CDC42BPA: variants seen among roughly 807,000 people sequenced by gnomAD.
CDC42BPA encodes the protein CDC42 binding protein kinase alpha, also known as serine/threonine-protein kinase MRCK alpha.
In CDC42BPA, 80 loss-of-function variants were observed where a neutral mutation model predicts 223.5. The ratio of observed to expected loss-of-function variants is 0.36; its 90% confidence interval spans 0.30 to 0.43. CDC42BPA has a LOEUF of 0.43. Ranked by LOEUF, CDC42BPA falls within the 20% of genes least tolerant of loss-of-function variation. The pLI, the probability that CDC42BPA is intolerant of heterozygous loss-of-function variation, is 1.00. For synonymous variants in CDC42BPA, 694 were observed against 718.6 expected (o/e 0.97, Z 0.55); for missense variants, 1,743 against 2,099.9 (o/e 0.83, Z 3.32).
chr1:227,017,148 A>T, intron 32 of CDC42BPA, 98 bp from the exon 33 acceptor site: 1 of 1,051,034 alleles, frequency 9.5e-7, no homozygotes, highest in Non-Finnish European at 1.3e-6. Flanking sequence ...TTGATAGTAC[A>T]AGTACATGCA....
At chr1:227,316,936 C>T in intron 1 of CDC42BPA, 69 bp downstream of exon 1, 2 of 1,166,448 alleles carry the variant, frequency 1.7e-6, no homozygotes, top group East Asian at 2.4e-5. Flanking sequence ...TTACTCATAA[C>T]TCTCTATACC....
chr1:227,033,115 A>G (rs1357494825), intron 27 of CDC42BPA, among the ~76,000 whole-genome samples: 1 of 152,248 alleles, frequency 6.6e-6, no homozygotes, highest in Non-Finnish European at 1.5e-5. Context: ...ACCAGGAAGC[A>G]TATTTTATAA....
In CDC42BPA at chr1:227,028,638, G is replaced by A. The variant is rs376466162; in HGVS notation, c.4432+19C>T. 8.6e-5 allele frequency: 126 copies of A among 1,468,834 alleles called. No individual in the cohort carries two copies. The highest frequency in any genetic ancestry group is 3.1e-4 in the South Asian group (23 of 75,172). 91.0% of individuals were successfully genotyped at this position (1,468,834 alleles called of 1,614,324 possible). A position where few individuals can be genotyped will look rare whatever the true frequency, so the allele number is the denominator to read the frequency against. On this transcript the variant is annotated intron_variant, in intron 30 of 36. Transcript: ENST00000366766. Reference sequence around the variant, plus strand: ...GAAGAGATATAAAGATAAGACAGCCGTAAGAAAGAGAATCTTACAACAAGA... The same window carrying A: ...GAAGAGATATAAAGATAAGACAGCCATAAGAAAGAGAATCTTACAACAAGA...
intron 11 of CDC42BPA, among the ~76,000 whole-genome samples, chr1:227,127,251 C>T (rs1656013748): frequency 6.6e-6 from 1 of 151,990 alleles, no homozygotes; most frequent in Admixed American, 6.6e-5. Flanking sequence ...TGGATAGTGC[C>T]AGAACATTAT....
intron 35 of CDC42BPA, among the ~76,000 whole-genome samples, chr1:226,997,257 G>A (rs928184057): frequency 1.3e-5 from 2 of 152,188 alleles, no homozygotes; most frequent in Non-Finnish European, 2.9e-5. Context: ...GGTGTTTATA[G>A]TATTCTTTGA....
intron 16 of CDC42BPA, among the ~76,000 whole-genome samples, chr1:227,086,621 T>C (rs751535452): frequency 6.6e-6 from 1 of 151,970 alleles, no homozygotes; most frequent in Admixed American, 6.6e-5. Context: ...TTTCATGAAA[T>C]GTCTATTCGG....
Position 227,285,431 on chromosome 1 carries a change from T to A in CDC42BPA, c.179-31276A>T, listed in dbSNP as rs186771951. ...TTATTTAATAACCACAAATTGCCTA[T>A]GAAAAGCAAACAAAAATTTACATTA... On this transcript the variant is annotated intron_variant, in intron 1 of 36. Coordinates refer to ENST00000366766, the MANE Select transcript of CDC42BPA (RefSeq NM_001394014.1). Among the ~76,000 whole-genome samples the A allele has an allele frequency of 1.1e-4, 17 of 152,340 alleles. No homozygotes were observed. The East Asian group carries it at 2.7e-3, about 24-fold the overall frequency.
At chr1:227,151,900 A>T (rs1661835813) in intron 6 of CDC42BPA, among the ~76,000 whole-genome samples, 1 of 151,148 alleles carries the variant, frequency 6.6e-6, no homozygotes, top group Non-Finnish European at 1.5e-5. Flanking sequence ...AAAAAAAAAA[A>T]AAATTAGCTG....
At chr1:227,065,126 T>TAAATAAATAAATAAATAAATA (rs1558414073) in intron 21 of CDC42BPA, among the ~76,000 whole-genome samples, 1 of 117,246 alleles carries the variant, frequency 8.5e-6, no homozygotes, top group African/African-American at 3.6e-5. Context: ...ATAAATAAAT[T>TAAATAAATAAATAAATAAATA]AACTCAAACC....
intron 6 of CDC42BPA, among the ~76,000 whole-genome samples, chr1:227,159,321 T>C (rs1224518480): frequency 1.3e-5 from 2 of 152,026 alleles, no homozygotes. Context: ...ACCCCATCTC[T>C]ACAAAAAATA....
intron 5 of CDC42BPA, among the ~76,000 whole-genome samples, chr1:227,167,537 C>G (rs1441847096): frequency 6.6e-6 from 1 of 152,152 alleles, no homozygotes; most frequent in Non-Finnish European, 1.5e-5. Flanking sequence ...TTTCCTGGTT[C>G]CTCTTTTCCC....
intron 21 of CDC42BPA, 135 bp from the exon 22 acceptor site, chr1:227,052,120 A>G: frequency 2.3e-6 from 1 of 432,462 alleles, no homozygotes; most frequent in Non-Finnish European, 4.6e-6. Context: ...TAGTTTGAAT[A>G]TTCACGTTAG....
intron 16 of CDC42BPA, among the ~76,000 whole-genome samples, chr1:227,082,160 T>G (rs1035152216): frequency 6.6e-6 from 1 of 152,134 alleles, no homozygotes; most frequent in Admixed American, 6.5e-5. Context: ...CCCTAGTAGC[T>G]GGGATTACAG....
chr1:227,084,491 G>A (rs1681394837), intron 16 of CDC42BPA, among the ~76,000 whole-genome samples: 1 of 147,520 alleles, frequency 6.8e-6, no homozygotes, highest in African/African-American at 2.5e-5. Context: ...TAGTGCCACT[G>A]CACTCCAGCC....
rs151224904 is a variant in CDC42BPA at position 227,195,556 on chromosome 1, A to G, written c.451-1622T>C. 3.7e-3 allele frequency among the ~76,000 whole-genome samples: 566 copies of G among 152,334 alleles called. 1 individual carries two copies. The highest frequency in any genetic ancestry group is 5.9e-3 in the Non-Finnish European group (400 of 68,024). ...GACTATTTTCTTATAGACAGAGTCT[A>G]TAAGACTAAAAGTCTAAAGTAACAG... On this transcript the variant is annotated intron_variant, in intron 4 of 36. Transcript: ENST00000366766.
At chr1:227,277,078 TAAA>T (rs199895591) in intron 1 of CDC42BPA, among the ~76,000 whole-genome samples, 45,578 of 105,050 alleles carry the variant, frequency 0.43, 7,385 homozygotes, top group Admixed American at 0.47. Context: ...CAATAAATAC[TAAA>T]AAAAAAAAAA....
chr1:227,129,262 T>C (rs749576998), intron 10 of CDC42BPA, 31 bp from the exon 11 acceptor site: 7 of 1,467,292 alleles, frequency 4.8e-6, no homozygotes, highest in East Asian at 2.4e-5. Context: ...GAAATAAAAA[T>C]ATCACCATAC....
At chr1:227,025,587 T>C (rs1273494132) in intron 31 of CDC42BPA, among the ~76,000 whole-genome samples, 1 of 152,168 alleles carries the variant, frequency 6.6e-6, no homozygotes, top group South Asian at 2.1e-4. Flanking sequence ...ATATTATGTT[T>C]TATTAGGAAT....
intron 1 of CDC42BPA, among the ~76,000 whole-genome samples, chr1:227,304,053 CTTG>C (rs1484738294): frequency 6.6e-6 from 1 of 152,170 alleles, no homozygotes; most frequent in Non-Finnish European, 1.5e-5. Context: ...CCATGAAGTA[CTTG>C]TTTACAAATT....
Sources: gnomAD v4.1 joint callset for allele counts (sites outside exome capture counted in the v4.1 genomes callset) on GRCh38, gnomAD v4.1.1 for gene constraint, MANE v1.5 for transcripts, NCBI Gene and HGNC (gene_info 2026-07-23, HGNC 2026-07-21) for gene names.